KCNAB1: variants seen among roughly 807,000 people sequenced by gnomAD.
KCNAB1 encodes the protein voltage-gated potassium channel subunit beta-1.
A neutral mutation model predicts 64.6 loss-of-function variants in KCNAB1; 35 were observed. That is an observed-to-expected ratio of 0.54 (90% CI 0.41 to 0.72). The LOEUF (loss-of-function observed/expected upper bound fraction) is 0.72, where lower values mean the gene tolerates loss of function less well. Ranked by LOEUF, KCNAB1 falls within the 30% of genes least tolerant of loss-of-function variation. KCNAB1 has a pLI of 0.00. For synonymous variants in KCNAB1, 177 were observed against 183.8 expected, an observed-to-expected ratio of 0.96 and a Z score of 0.30; for missense variants, 401 against 512.9, an observed-to-expected ratio of 0.78 and a Z score of 2.11.
intron 1 of KCNAB1, among the ~76,000 whole-genome samples, chr3:156,395,334 A>AGG: frequency 6.7e-6 from 1 of 149,440 alleles, no homozygotes; most frequent in Non-Finnish European, 1.5e-5. Flanking sequence ...TCACGAGGTC[A>AGG]GGAGATCGAG....
intron 1 of KCNAB1, among the ~76,000 whole-genome samples, chr3:156,322,998 C>T (rs935502235): frequency 2.6e-5 from 4 of 152,162 alleles, no homozygotes; most frequent in Non-Finnish European, 5.9e-5. Context: ...AGAAGAAGCT[C>T]ATATTTTAAA....
At chr3:156,464,832 A>G (rs1713241666) in intron 6 of KCNAB1, among the ~76,000 whole-genome samples, 1 of 152,212 alleles carries the variant, frequency 6.6e-6, no homozygotes, top group African/African-American at 2.4e-5. Flanking sequence ...GCCATTGCTC[A>G]GTGCTTTCGA....
chr3:156,507,858 C>A, intron 8 of KCNAB1, among the ~76,000 whole-genome samples: 1 of 151,976 alleles, frequency 6.6e-6, no homozygotes, highest in East Asian at 1.9e-4. Flanking sequence ...CTGGGTTGAA[C>A]CATAGGATAC....
intron 1 of KCNAB1, among the ~76,000 whole-genome samples, chr3:156,237,947 A>G (rs1325459886): frequency 6.6e-6 from 1 of 152,146 alleles, no homozygotes; most frequent in Admixed American, 6.5e-5. Context: ...ATTTCCTAGA[A>G]CAGTGCTAGC....
intron 1 of KCNAB1, among the ~76,000 whole-genome samples, chr3:156,234,686 A>G (rs1402853030): frequency 2.0e-5 from 3 of 152,152 alleles, no homozygotes; most frequent in African/African-American, 7.2e-5. Flanking sequence ...AAGGGCTCCT[A>G]AAGATTAATG....
chr3:156,506,508 G>C (rs1716846271), intron 8 of KCNAB1, among the ~76,000 whole-genome samples: 1 of 152,174 alleles, frequency 6.6e-6, no homozygotes, highest in Admixed American at 6.5e-5. Context: ...CCAGTGTGTG[G>C]CAGAGAGGAG....
intron 8 of KCNAB1, among the ~76,000 whole-genome samples, chr3:156,498,657 A>T (rs545139596): frequency 8.5e-5 from 13 of 152,238 alleles, no homozygotes; most frequent in Non-Finnish European, 1.8e-4. Flanking sequence ...ACCTAATTAA[A>T]GAAGACCAAT....
intron 1 of KCNAB1, chr3:156,291,492 C>T (rs934385385): frequency 1.6e-5 from 17 of 1,059,180 alleles, no homozygotes; most frequent in Non-Finnish European, 1.9e-5. Flanking sequence ...GAAGCGAGCC[C>T]GCATTCAGAC....
At chr3:156,265,721 G>A (rs113043090) in intron 1 of KCNAB1, among the ~76,000 whole-genome samples, 1,921 of 152,310 alleles carry the variant, frequency 0.013, 48 homozygotes, top group African/African-American at 0.044. Flanking sequence ...GAGGCCGGGT[G>A]CAGTGGCTCA....
intron 1 of KCNAB1, among the ~76,000 whole-genome samples, chr3:156,351,236 C>T (rs1053894658): frequency 6.6e-6 from 1 of 152,202 alleles, no homozygotes; most frequent in African/African-American, 2.4e-5. Flanking sequence ...GGCAGGTAAG[C>T]AAAGAAATCA....
At position 156,401,359 on chromosome 3, in the gene KCNAB1, C is replaced by T. The variant is rs148126887; in HGVS notation, c.276-20257C>T. Among the ~76,000 whole-genome samples the T allele has an allele frequency of 4.2e-3, 646 of 152,342 alleles. 4 individuals are homozygous for T. The highest frequency in any genetic ancestry group is 0.015 in the African/African-American group (625 of 41,572). ...CACCAGCAATTCTGCATCTGATCCTCTATGATTGAACCAGTCCTTGACATT... is the reference window on the plus strand; with the variant it reads ...CACCAGCAATTCTGCATCTGATCCTTTATGATTGAACCAGTCCTTGACATT... On this transcript the variant is annotated intron_variant, in intron 1 of 13. Coordinates refer to ENST00000490337, the MANE Select transcript of KCNAB1 (RefSeq NM_172160.3).
intron 2 of KCNAB1, among the ~76,000 whole-genome samples, chr3:156,451,088 T>A (rs1271831392): frequency 6.6e-6 from 1 of 152,224 alleles, no homozygotes; most frequent in Non-Finnish European, 1.5e-5. Context: ...AGGGGCTGTC[T>A]ACCTGGTGAG....
At chr3:156,424,695 C>T (rs922759894) in intron 2 of KCNAB1, among the ~76,000 whole-genome samples, 1 of 152,012 alleles carries the variant, frequency 6.6e-6, no homozygotes, top group African/African-American at 2.4e-5. Flanking sequence ...GCCCTTAAGA[C>T]AATAACAAAT....
At chr3:156,504,422 T>A (rs1209994777) in intron 8 of KCNAB1, among the ~76,000 whole-genome samples, 1 of 152,200 alleles carries the variant, frequency 6.6e-6, no homozygotes, top group African/African-American at 2.4e-5. Flanking sequence ...TTTGGATATA[T>A]AATCAGTAGT....
chr3:156,527,935 G>A (rs1718438401), intron 12 of KCNAB1, among the ~76,000 whole-genome samples: 1 of 152,174 alleles, frequency 6.6e-6, no homozygotes, highest in Non-Finnish European at 1.5e-5. Context: ...ATACTTGCTA[G>A]TGACACTTGG....
chr3:156,170,998 A>T (rs2108325445), intron 1 of KCNAB1, among the ~76,000 whole-genome samples: 1 of 152,294 alleles, frequency 6.6e-6, no homozygotes, highest in East Asian at 1.9e-4. Context: ...AATACATCTG[A>T]GAAACAAATT....
intron 8 of KCNAB1, among the ~76,000 whole-genome samples, chr3:156,480,192 C>T (rs116566564): frequency 0.011 from 1,619 of 152,188 alleles, 15 homozygotes; most frequent in South Asian, 0.03. Context: ...ATTATCTTCC[C>T]TGAAAGTTAC....
intron 1 of KCNAB1, among the ~76,000 whole-genome samples, chr3:156,246,243 T>A (rs1717441760): frequency 1.3e-5 from 2 of 152,178 alleles, no homozygotes; most frequent in Admixed American, 1.3e-4. Context: ...AATATATGTT[T>A]GTACTCAGAA....
intron 1 of KCNAB1, chr3:156,273,826 A>G: frequency 2.8e-6 from 1 of 361,276 alleles, no homozygotes; most frequent in Non-Finnish European, 5.5e-6. Flanking sequence ...CTTTTCTGAC[A>G]TCACTGTAGT....
Sources: gnomAD v4.1 joint callset for allele counts (sites outside exome capture counted in the v4.1 genomes callset) on GRCh38, gnomAD v4.1.1 for gene constraint, MANE v1.5 for transcripts, NCBI Gene and HGNC (gene_info 2026-07-23, HGNC 2026-07-21) for gene names.